Variants in CAMK2D observed in about 807,000 individuals in gnomAD.
The protein encoded by CAMK2D is calcium/calmodulin dependent protein kinase II delta.
Under a neutral mutation model 84.0 loss-of-function variants are expected in CAMK2D, and 37 were observed. The ratio of observed to expected loss-of-function variants is 0.44; its 90% CI spans 0.34 to 0.58. The LOEUF (loss-of-function observed/expected upper bound fraction) is 0.58, where lower values mean the gene tolerates loss of function less well. Among genes scored for constraint, CAMK2D ranks in the 20% least tolerant of loss-of-function variants. The pLI, the probability that CAMK2D is intolerant of heterozygous loss-of-function variation, is 0.02. For synonymous variants in CAMK2D, 202 were observed against 212.5 expected (o/e 0.95, Z 0.43); for missense variants, 448 against 652.5 (o/e 0.69, Z 3.41).
chr4:113,475,176 T>C (rs1300378808), intron 16 of CAMK2D, among the ~76,000 whole-genome samples: 1 of 152,220 alleles, frequency 6.6e-6, no homozygotes, highest in Non-Finnish European at 1.5e-5. Flanking sequence ...ATAATAGAAT[T>C]TAGTTTATTC....
At chr4:113,747,985 CGTGA>C (rs1562205722) in intron 2 of CAMK2D, among the ~76,000 whole-genome samples, 1 of 152,092 alleles carries the variant, frequency 6.6e-6, no homozygotes, top group African/African-American at 2.4e-5. Context: ...TCTGGCTTCT[CGTGA>C]GTATTTTTTC....
chr4:113,607,667 C>T (rs940689530), intron 4 of CAMK2D, among the ~76,000 whole-genome samples: 3 of 152,012 alleles, frequency 2.0e-5, no homozygotes, highest in Non-Finnish European at 4.4e-5. Context: ...TTCCACTACC[C>T]ACCCAAATCC....
chr4:113,745,039 A>T (rs567976552), intron 2 of CAMK2D, among the ~76,000 whole-genome samples: 33 of 152,268 alleles, frequency 2.2e-4, no homozygotes, highest in Admixed American at 2.0e-3. Context: ...ATCTGTTATT[A>T]TCTTAAGGTT....
chr4:113,680,597 A>T (rs2099341136), intron 2 of CAMK2D, among the ~76,000 whole-genome samples: 1 of 152,268 alleles, frequency 6.6e-6, no homozygotes, highest in African/African-American at 2.4e-5. Context: ...AAACAAAAAG[A>T]TATAAATCAG....
chr4:113,599,795 G>GA (rs1405852766), intron 4 of CAMK2D, among the ~76,000 whole-genome samples: 4 of 152,136 alleles, frequency 2.6e-5, no homozygotes, highest in Admixed American at 2.6e-4. Context: ...CTAAGGAAGA[G>GA]ATAATAAATT....
intron 2 of CAMK2D, among the ~76,000 whole-genome samples, chr4:113,677,305 A>G (rs2099322452): frequency 6.6e-6 from 1 of 152,154 alleles, no homozygotes; most frequent in African/African-American, 2.4e-5. Context: ...CTCTGTCTCT[A>G]ACAAAATAAG....
intron 4 of CAMK2D, among the ~76,000 whole-genome samples, chr4:113,573,853 T>C (rs978243714): frequency 2.0e-5 from 3 of 152,288 alleles, no homozygotes; most frequent in South Asian, 2.1e-4. Flanking sequence ...CCCCCACCTT[T>C]TGCCTGTGTT....
intron 2 of CAMK2D, among the ~76,000 whole-genome samples, chr4:113,699,448 C>T (rs1387296535): frequency 6.6e-6 from 1 of 152,100 alleles, no homozygotes; most frequent in Non-Finnish European, 1.5e-5. Context: ...AAGAGGTCGG[C>T]TCTCACAGAA....
intron 6 of CAMK2D, among the ~76,000 whole-genome samples, chr4:113,538,891 T>C (rs894031157): frequency 2.6e-5 from 4 of 152,188 alleles, no homozygotes; most frequent in South Asian, 2.1e-4. Context: ...TCATCGCTAT[T>C]ATGACGACCG....
chr4:113,588,772 A>G (rs2098845469), intron 4 of CAMK2D, among the ~76,000 whole-genome samples: 1 of 152,192 alleles, frequency 6.6e-6, no homozygotes, highest in South Asian at 2.1e-4. Context: ...ACTGGGGATA[A>G]TAGTGATCAA....
intron 5 of CAMK2D, among the ~76,000 whole-genome samples, chr4:113,548,094 T>C (rs1427420195): frequency 6.6e-6 from 1 of 152,216 alleles, no homozygotes; most frequent in Non-Finnish European, 1.5e-5. Context: ...TCTCCCATTT[T>C]TCCAGTATTG....
intron 2 of CAMK2D, among the ~76,000 whole-genome samples, chr4:113,720,244 G>A (rs1014055043): frequency 3.9e-5 from 6 of 151,928 alleles, no homozygotes; most frequent in Admixed American, 3.3e-4. Flanking sequence ...CAGTTAAAGG[G>A]TTCTGATTAA....
intron 16 of CAMK2D, among the ~76,000 whole-genome samples, chr4:113,491,340 T>A (rs2097841225): frequency 9.1e-6 from 1 of 109,404 alleles, no homozygotes; most frequent in Non-Finnish European, 1.8e-5. Flanking sequence ...TTATTGAGAG[T>A]TTTTAGCATG....
chr4:113,718,840 C>T (rs2099521727), intron 2 of CAMK2D, among the ~76,000 whole-genome samples: 1 of 152,020 alleles, frequency 6.6e-6, no homozygotes, highest in South Asian at 2.1e-4. Flanking sequence ...AAGGTGGTTT[C>T]AAGAAAATTT....
intron 4 of CAMK2D, among the ~76,000 whole-genome samples, chr4:113,555,245 A>T (rs955270920): frequency 6.6e-6 from 1 of 152,204 alleles, no homozygotes; most frequent in African/African-American, 2.4e-5. Context: ...AAATGGTGCC[A>T]CATTAACCCA....
At chr4:113,464,207 G>A (rs1262177090) in intron 17 of CAMK2D, among the ~76,000 whole-genome samples, 1 of 152,144 alleles carries the variant, frequency 6.6e-6, no homozygotes, top group Non-Finnish European at 1.5e-5. Context: ...TTGCATTCAA[G>A]TTTGTGTATA....
chr4:113,576,118 C>G (rs1429080734), intron 4 of CAMK2D, among the ~76,000 whole-genome samples: 1 of 152,070 alleles, frequency 6.6e-6, no homozygotes, highest in East Asian at 1.9e-4. Context: ...TCACTGCATC[C>G]TCAAACTCCT....
intron 2 of CAMK2D, among the ~76,000 whole-genome samples, chr4:113,746,977 A>AATAT (rs148764047): frequency 0.14 from 20,916 of 145,302 alleles, 1,658 homozygotes; most frequent in East Asian, 0.3. Context: ...TACCATTAAT[A>AATAT]ATATATATAT....
chr4:113,571,239 CAAT>C (rs1283952678), intron 4 of CAMK2D, among the ~76,000 whole-genome samples: 2 of 152,054 alleles, frequency 1.3e-5, no homozygotes. Context: ...GACAGTGCCT[CAAT>C]AATTTAAAAA....
Sources: gnomAD v4.1 joint callset for allele counts (sites outside exome capture counted in the v4.1 genomes callset) on GRCh38, gnomAD v4.1.1 for gene constraint, MANE v1.5 for transcripts, NCBI Gene and HGNC (gene_info 2026-07-23, HGNC 2026-07-21) for gene names.